The following ALK variants were observed in gnomAD, a reference collection of about 807,000 sequenced individuals.
The protein encoded by ALK is ALK receptor tyrosine kinase.
In ALK, 74 loss-of-function variants were observed where a neutral mutation model predicts 163.1. The observed-to-expected ratio is 0.45, with a 90% CI of 0.38 to 0.55. The LOEUF (loss-of-function observed/expected upper bound fraction) is 0.55. ALK is among the 20% of genes least tolerant of loss of function. ALK has a pLI of 0.00. For missense variants in ALK, 2,063 were observed against 2,105.3 expected (o/e 0.98, Z 0.39); for synonymous variants, 960 against 843.2 (o/e 1.14, Z -2.40).
chr2:29,782,008 A>T (rs747696458), intron 1 of ALK, among the ~76,000 whole-genome samples: 2 of 152,214 alleles, frequency 1.3e-5, no homozygotes, highest in Non-Finnish European at 2.9e-5. Flanking sequence ...AGCAGGATTG[A>T]CAGTTGGAGA....
At chr2:29,762,871 G>A (rs532334899) in intron 1 of ALK, among the ~76,000 whole-genome samples, 10 of 152,146 alleles carry the variant, frequency 6.6e-5, no homozygotes, top group Admixed American at 2.0e-4. Flanking sequence ...GGCGGATCAC[G>A]AGGTCAAGAG....
intron 12 of ALK, among the ~76,000 whole-genome samples, chr2:29,244,275 G>T (rs993649431): frequency 2.5e-4 from 38 of 152,224 alleles, no homozygotes; most frequent in Admixed American, 2.5e-3. Context: ...CCGTTTCTCA[G>T]TTTCCTCATT....
intron 5 of ALK, among the ~76,000 whole-genome samples, chr2:29,354,417 G>A (rs947841126): frequency 1.1e-4 from 16 of 152,198 alleles, no homozygotes; most frequent in African/African-American, 3.6e-4. Context: ...ATAGTGCTGG[G>A]TGTCTGTGAG....
intron 3 of ALK, among the ~76,000 whole-genome samples, chr2:29,670,103 A>G (rs191091905): frequency 1.0e-3 from 158 of 152,186 alleles, no homozygotes; most frequent in African/African-American, 3.7e-3. Flanking sequence ...TAATTTTACC[A>G]GTGGGTTTTT....
At chr2:29,333,585 T>C (rs1667519337) in intron 5 of ALK, among the ~76,000 whole-genome samples, 1 of 152,258 alleles carries the variant, frequency 6.6e-6, no homozygotes, top group Non-Finnish European at 1.5e-5. Context: ...ATTTTATGTA[T>C]ATTTTCATTC....
rs1233069820 is a variant in ALK at position 29,694,902 on chromosome 2, C to G, written c.900G>C (p.Gln300His). 5.6e-6 allele frequency: 9 copies of G among 1,614,028 alleles called. No homozygotes were observed. Among genetic ancestry groups the G allele is most frequent in the Non-Finnish European group, 8.5e-7 (1 of 1,180,008 alleles). The change falls in exon 3 of 29, where the codon CAG (glutamine) becomes CAC (histidine). Residue 300 changes from glutamine to histidine, a missense_variant. By Grantham distance (24) the Gln-to-His change is conservative. Transcript: ENST00000389048. ...CCCCAGGCCCATCCAGCAAGTCCAT[C>G]TGGGAGGCCTCCTCGGAGGGGATGC... ...WRRIPSEEASQMDLLDGPGAE... is the reference protein window; with the variant it reads ...WRRIPSEEASHMDLLDGPGAE...
At chr2:29,850,092 A>C (rs1365409826) in intron 1 of ALK, among the ~76,000 whole-genome samples, 13 of 152,252 alleles carry the variant, frequency 8.5e-5, no homozygotes, top group Admixed American at 8.5e-4. Context: ...TGACAGTAGA[A>C]CAAGACAAAT....
intron 1 of ALK, among the ~76,000 whole-genome samples, chr2:29,896,016 TC>T (rs1449636616): frequency 6.6e-6 from 1 of 152,166 alleles, no homozygotes; most frequent in Admixed American, 6.5e-5. Flanking sequence ...ACTGAATGTG[TC>T]CCTAGGATCC....
At chr2:29,257,832 T>G (rs1664987949) in intron 11 of ALK, among the ~76,000 whole-genome samples, 1 of 152,148 alleles carries the variant, frequency 6.6e-6, no homozygotes, top group Non-Finnish European at 1.5e-5. Context: ...TCCAGGCAAA[T>G]ATAATAATTC....
chr2:29,484,005 AAG>A (rs965540112), intron 4 of ALK, among the ~76,000 whole-genome samples: 16 of 152,184 alleles, frequency 1.1e-4, no homozygotes, highest in Admixed American at 1.0e-3. Context: ...GGTGGCAGGA[AAG>A]AGAGCATGTG....
chr2:29,653,080 C>G (rs2339537), intron 3 of ALK, among the ~76,000 whole-genome samples: 1 of 151,828 alleles, frequency 6.6e-6, no homozygotes, highest in Admixed American at 6.6e-5. Context: ...TGGAGTCTGA[C>G]GCTGTCTCCA....
chr2:29,888,264 A>ATTTTTTTT lies in ALK; in HGVS notation c.667+31728_667+31729insAAAAAAAA, dbSNP rs1401782243. Among the ~76,000 whole-genome samples, 557 of 142,272 alleles carry ATTTTTTTT rather than the reference A, an allele frequency of 3.9e-3. 4 individuals are homozygous for ATTTTTTTT. Among genetic ancestry groups the ATTTTTTTT allele is most frequent in the African/African-American group, 0.013 (485 of 37,722 alleles). The allele number at this position is 142,272 out of a possible 152,430, so 93.3% of individuals were successfully genotyped here. A position where few individuals can be genotyped will look rare whatever the true frequency, so the allele number is the denominator to read the frequency against. On this transcript the variant is annotated intron_variant, in intron 1 of 28. Transcript: ENST00000389048. Reference sequence around the variant, plus strand: ...ATAAATTGTTTTTTTTTTTTTTTAAAAAAAGGGAAACTATGTATTAAGCTA... The same window carrying ATTTTTTTT: ...ATAAATTGTTTTTTTTTTTTTTTAAATTTTTTTTAAAAGGGAAACTATGTATTAAGCTA...
rs543246655 is a variant in ALK at position 29,297,129 on chromosome 2, A to G, written c.1648-72T>C. ...GTCCCCTTTCTGGAATTCTCCACTGAAGTTTCAAGGACCTTATAAGAGACT... is the reference window on the plus strand; with the variant it reads ...GTCCCCTTTCTGGAATTCTCCACTGGAGTTTCAAGGACCTTATAAGAGACT... On this transcript the variant is annotated intron_variant, in intron 8 of 28. Coordinates refer to ENST00000389048, the MANE Select transcript of ALK (RefSeq NM_004304.5). 26 of 1,586,628 alleles carry G rather than the reference A, an allele frequency of 1.6e-5. 1 individual carries two copies. In the South Asian group the frequency reaches 2.5e-4, roughly 15 times the overall value.
At position 29,288,951 on chromosome 2, in the gene ALK, C is replaced by CAAAAAA. The variant is rs770578645; in HGVS notation, c.1817+7931_1817+7936dup. On this transcript the variant is annotated intron_variant, in intron 9 of 28. Coordinates refer to ENST00000389048, the MANE Select transcript of ALK (RefSeq NM_004304.5). Reference sequence around the variant, plus strand: ...TGGGCGACAGAGGGAGACTCCTTCTCAAAAAAATAAATAAATAAATAAATA... The same window carrying CAAAAAA: ...TGGGCGACAGAGGGAGACTCCTTCTCAAAAAAAAAAAAATAAATAAATAAATAAATA... Among the ~76,000 whole-genome samples, 7 of 24,180 alleles carry CAAAAAA rather than the reference C, an allele frequency of 2.9e-4. 1 individual carries two copies. The highest frequency in any genetic ancestry group is 4.2e-4 in the African/African-American group (7 of 16,816). The allele number at this position is 24,180 out of a possible 152,430, so 15.9% of individuals were successfully genotyped here. A position where few individuals can be genotyped will look rare whatever the true frequency, so the allele number is the denominator to read the frequency against.
chr2:29,622,352 G>A (rs1676060024), intron 3 of ALK, among the ~76,000 whole-genome samples: 1 of 152,130 alleles, frequency 6.6e-6, no homozygotes, highest in Non-Finnish European at 1.5e-5. Flanking sequence ...GAATCATAAT[G>A]GGAGGCAAAA....
At chr2:29,613,587 G>A (rs1675756613) in intron 3 of ALK, among the ~76,000 whole-genome samples, 1 of 152,176 alleles carries the variant, frequency 6.6e-6, no homozygotes. Flanking sequence ...CAGGGCGTAT[G>A]TCACACAGGT....
intron 4 of ALK, among the ~76,000 whole-genome samples, chr2:29,395,690 C>T (rs868150483): frequency 1.3e-5 from 2 of 152,194 alleles, no homozygotes; most frequent in African/African-American, 4.8e-5. Flanking sequence ...TAACAGAATT[C>T]TCTGAACTAC....
intron 1 of ALK, among the ~76,000 whole-genome samples, chr2:29,726,239 G>A (rs887495304): frequency 6.6e-6 from 1 of 152,112 alleles, no homozygotes; most frequent in African/African-American, 2.4e-5. Context: ...TCTGTGGTTT[G>A]CTTGTACTCT....
chr2:29,486,547 C>T (rs924350230), intron 4 of ALK, among the ~76,000 whole-genome samples: 6 of 152,154 alleles, frequency 3.9e-5, no homozygotes, highest in South Asian at 2.1e-4. Flanking sequence ...AGATCAATGA[C>T]GTCTTGAAGT....
Sources: allele counts gnomAD v4.1 joint callset (sites outside exome capture counted in the v4.1 genomes callset), GRCh38; gene constraint gnomAD v4.1.1; transcripts MANE v1.5; gene names NCBI Gene and HGNC (gene_info 2026-07-23, HGNC 2026-07-21).